PCNX3: variants seen among roughly 807,000 people sequenced by gnomAD.
The protein encoded by PCNX3 is pecanex 3.
PCNX3 carries 58 observed loss-of-function variants against 207.2 expected under a neutral mutation model. The ratio of observed to expected loss-of-function variants is 0.28; its 90% CI spans 0.23 to 0.35. The LOEUF is 0.35. Among genes scored for constraint, PCNX3 ranks in the 10% least tolerant of loss-of-function variants. PCNX3 has a pLI of 1.00. For missense variants in PCNX3, 2,410 were observed against 2,774.4 expected, an observed-to-expected ratio of 0.87 and a Z score of 2.95; for synonymous variants, 1,337 against 1,183.5, an observed-to-expected ratio of 1.13 and a Z score of -2.66.
rs761752375 is a variant in PCNX3, at chr11:65,634,661, G to T, written c.4805+20G>T. 1.3e-6 allele frequency: 2 copies of T among 1,547,194 alleles called. No homozygotes were observed. Among genetic ancestry groups the T allele is most frequent in the Non-Finnish European group, 8.7e-7 (1 of 1,151,596 alleles). On this transcript the variant is annotated intron_variant, in intron 29 of 34. Coordinates refer to ENST00000355703, the MANE Select transcript of PCNX3 (RefSeq NM_032223.4). ...TGCAAGGTGAGTGCTCGGGTGTCCC[G>T]CGGGGCCTACTGCCGTCCCCACCCC...
At chr11:65,633,282 T>C (rs1446177075) in intron 27 of PCNX3, among the ~76,000 whole-genome samples, 1 of 152,236 alleles carries the variant, frequency 6.6e-6, no homozygotes, top group African/African-American at 2.4e-5. Context: ...TCCTGTACTT[T>C]TGCCCAACAG....
intron 27 of PCNX3, among the ~76,000 whole-genome samples, chr11:65,632,579 A>G (rs1855659484): frequency 1.6e-5 from 2 of 127,314 alleles, no homozygotes; most frequent in African/African-American, 2.9e-5. Context: ...CCCAGCTCGC[A>G]GTGAGCGCTC....
chr11:65,636,166 A>AC lies in PCNX3; in HGVS notation c.5460-3dup. ...CTCCTGATCCCTTTTCTACCTCTCC[A>AC]CCCCCAGGCTTCACAAGGGCTGTGG... On this transcript the variant is annotated splice_region_variant and splice_polypyrimidine_tract_variant and intron_variant, in intron 32 of 34. Transcript: ENST00000355703. The AC allele has an allele frequency of 6.3e-7, 1 of 1,594,358 alleles. No homozygotes were observed. Among genetic ancestry groups the AC allele is most frequent in the Non-Finnish European group, 8.5e-7 (1 of 1,170,662 alleles).
chr11:65,619,439 A>G, intron 6 of PCNX3, 98 bp from the exon 7 acceptor site: 1 of 1,517,938 alleles, frequency 6.6e-7, no homozygotes, highest in Middle Eastern at 2.4e-4. Flanking sequence ...TGGTTGTACT[A>G]GGCCTTTAGC....
rs756940882 is a variant in PCNX3, at chr11:65,625,054, C to T, written c.2919+38C>T. 8.1e-5 allele frequency: 129 copies of T among 1,591,986 alleles called. No homozygotes were observed. Among genetic ancestry groups the T allele is most frequent in the Admixed American group, 7.5e-4 (44 of 58,558 alleles). On this transcript the variant is annotated intron_variant, in intron 16 of 34. Coordinates refer to ENST00000355703, the MANE Select transcript of PCNX3 (RefSeq NM_032223.4). This position sits in a 1 kb window ranked among gnomAD's most constrained non-coding sequence, Gnocchi z 5.6. ...TGCGAGGTGGGGGCATGCTGCAGTG[C>T]GTAAGGGTGGTTGGGGCGGGGCTGT...
intron 7 of PCNX3, 31 bp from the exon 8 acceptor site, chr11:65,619,723 C>G (rs773725082): frequency 3.2e-6 from 5 of 1,561,622 alleles, no homozygotes; most frequent in Non-Finnish European, 3.4e-6. Flanking sequence ...CAAGCTCTAG[C>G]TGGCGCTGAC....
intron 32 of PCNX3, 25 bp from the exon 33 acceptor site, chr11:65,636,149 C>T (rs1302838555): frequency 1.3e-6 from 2 of 1,587,282 alleles, no homozygotes; most frequent in East Asian, 4.6e-5. Flanking sequence ...CCCTCCTGAT[C>T]CCTTTTCTAC....
At position 65,616,365 on chromosome 11, in the gene PCNX3, C is replaced by T. The variant is rs1377039013; in HGVS notation, c.54C>T (p.Thr18=). The T allele has an allele frequency of 1.6e-5, 25 of 1,606,004 alleles. No homozygotes were observed. The highest frequency in any genetic ancestry group is 2.0e-5 in the Non-Finnish European group (23 of 1,176,918). ...ILRQGVWASL[T]GGWFFDPHQS... is the part of the protein sequence containing the mutation. The stretch of plus-strand genomic sequence containing the variant: ...GCCAGGGGGTGTGGGCCTCGCTCAC[C>T]GGCGGTTGGTTCTTCGACCCGCACC... Residue 18 remains threonine (T), a synonymous_variant, in exon 1 of 35, where the codon ACC becomes ACT. Coordinates refer to ENST00000355703, the MANE Select transcript of PCNX3 (RefSeq NM_032223.4).
At position 65,625,942 on chromosome 11, in the gene PCNX3, C is replaced by T. The variant is rs370947650; in HGVS notation, c.3267C>T (p.Ala1089=). Residue 1089 remains alanine (A), a synonymous_variant, in exon 20 of 35, where the codon GCC becomes GCT. Coordinates refer to ENST00000355703, the MANE Select transcript of PCNX3 (RefSeq NM_032223.4). This position sits in a 1 kb window ranked among gnomAD's most constrained non-coding sequence, Gnocchi z 5.6. ...TCGTGTTGTACGCACTGGCTGGGGC[C>T]GTGGGCTTCTTCACACATTACCTGC... The part of the protein sequence containing the change: ...LGFVLYALAG[A]VGFFTHYLLP... The T allele has an allele frequency of 3.1e-5, 50 of 1,613,774 alleles. No homozygotes were observed. The highest frequency in any genetic ancestry group is 1.6e-4 in the Middle Eastern group (1 of 6,080).
rs1286164125 is a variant in PCNX3 at position 65,618,625 on chromosome 11, T to G, written c.1263T>G (p.Asp421Glu). 6.2e-7 allele frequency: 1 copy of G among 1,612,746 alleles called. No homozygotes were observed. The highest frequency in any genetic ancestry group is 1.3e-5 in the African/African-American group (1 of 74,900). Reference protein sequence around the residue: ...PLLEGGGFFEDEDTSEGSELS... With the variant: ...PLLEGGGFFEEEDTSEGSELS... ...TTGAAGGTGGGGGCTTCTTTGAGGA[T>G]GAAGACACTAGTGAGGGCAGTGAAC... The change falls in exon 6 of 35, where the codon GAT becomes GAG. Residue 421 changes from aspartate (D) to glutamate (E), a missense_variant. Around this residue, in one of 8 missense-constraint regions of PCNX3, gnomAD observed 1,104 missense variants for 970.3 expected, o/e 1.14. Transcript: ENST00000355703.
chr11:65,630,074 C>G (rs1316949260), intron 26 of PCNX3, among the ~76,000 whole-genome samples: 2 of 152,240 alleles, frequency 1.3e-5, no homozygotes, highest in Admixed American at 1.3e-4. Context: ...AGTGAGCCAG[C>G]TCCTTCCTCT....
intron 10 of PCNX3, among the ~76,000 whole-genome samples, chr11:65,621,776 A>G (rs1002298264): frequency 2.6e-5 from 4 of 152,250 alleles, no homozygotes; most frequent in Non-Finnish European, 2.9e-5. Context: ...TCATGTGCCC[A>G]GGGCCTCAGG....
In PCNX3 at chr11:65,635,291, G is replaced by T. The variant is rs778429230; in HGVS notation, c.5027G>T (p.Arg1676Leu). The change falls in exon 31 of 35, where the codon CGG becomes CTG. Residue 1676 changes from arginine to leucine, a missense_variant. Physicochemically the swap from Arg to Leu is moderately radical, Grantham distance 102 (BLOSUM62 -2). This residue lies in a region of PCNX3 where 420 missense variants were observed against 705.3 expected (regional missense o/e 0.60). Transcript: ENST00000355703. This position sits in a 1 kb window ranked among gnomAD's most constrained non-coding sequence, Gnocchi z 9.9. Reference sequence around the variant, plus strand: ...GATGCCATTGCGGCCAACGAGGAGCGGCTGGTCATCTCACATGAGGGTGAC... The same window carrying T: ...GATGCCATTGCGGCCAACGAGGAGCTGCTGGTCATCTCACATGAGGGTGAC... ...LYDAIAANEE[R>L]LVISHEGDPA... 1 of 1,594,876 alleles carries T rather than the reference G, an allele frequency of 6.3e-7. No individual in the cohort carries two copies. Among genetic ancestry groups the T allele is most frequent in the Non-Finnish European group, 8.5e-7 (1 of 1,171,658 alleles).
In PCNX3 at chr11:65,620,425, G is replaced by T; in HGVS notation, c.2095G>T (p.Ala699Ser). The T allele has an allele frequency of 6.2e-7, 1 of 1,612,718 alleles. No homozygotes were observed. The highest frequency in any genetic ancestry group is 8.5e-7 in the Non-Finnish European group (1 of 1,179,610). ...GCAAGGGGAGCAGACAGCTAATGGA[G>T]CCTGGTGAGTTCCCAAGCCTGGCCT... The part of the protein sequence containing the change: ...GQQGEQTANG[A>S]WDRHSHSSSF... Residue 699 changes from alanine (A) to serine (S), a missense_variant, in exon 9 of 35, where the codon GCC becomes TCC. Around this residue, in one of 8 missense-constraint regions of PCNX3, gnomAD observed 1,104 missense variants for 970.3 expected, o/e 1.14. Transcript: ENST00000355703.
chr11:65,627,288 G>A, intron 21 of PCNX3, 117 bp from the exon 22 acceptor site: 4 of 1,239,378 alleles, frequency 3.2e-6, no homozygotes, highest in Non-Finnish European at 4.4e-6. Context: ...GCAGGGACCA[G>A]CCCAGCAGAG....
intron 22 of PCNX3, among the ~76,000 whole-genome samples, chr11:65,628,289 T>TGA (rs1273508830): frequency 6.6e-6 from 1 of 152,214 alleles, no homozygotes; most frequent in East Asian, 1.9e-4. Context: ...GTCATTTATC[T>TGA]TCTCTGTCTT....
intron 12 of PCNX3, 41 bp from the exon 13 acceptor site, chr11:65,623,888 G>A (rs1316244986): frequency 1.9e-6 from 3 of 1,612,110 alleles, no homozygotes; most frequent in Non-Finnish European, 2.5e-6. Flanking sequence ...CCATCCCGTG[G>A]GCATCGGCTC....
chr11:65,619,096 G>A, intron 6 of PCNX3, 29 bp downstream of exon 6: 1 of 1,548,034 alleles, frequency 6.5e-7, no homozygotes, highest in Non-Finnish European at 8.7e-7. Flanking sequence ...GGCAGGGGCT[G>A]GGGGACGTGA....
chr11:65,626,215 G>A (rs763449703), intron 20 of PCNX3, 161 bp downstream of exon 20: 50 of 1,054,930 alleles, frequency 4.7e-5, no homozygotes, highest in Middle Eastern at 2.0e-4. Context: ...CGTGTTGCCC[G>A]GCTGCGCTCT....
Sources: allele counts gnomAD v4.1 joint callset (sites outside exome capture counted in the v4.1 genomes callset), GRCh38; gene constraint gnomAD v4.1.1; regional missense constraint gnomAD v4.1.1; non-coding constraint Gnocchi (gnomAD v3.1); transcripts MANE v1.5; gene names NCBI Gene and HGNC (gene_info 2026-07-23, HGNC 2026-07-21).